ANAPC5: variants seen among roughly 807,000 people sequenced by gnomAD.
ANAPC5 encodes the protein anaphase promoting complex subunit 5.
ANAPC5 carries 60 observed loss-of-function variants against 91.3 expected under a neutral mutation model. The ratio of observed to expected loss-of-function variants is 0.66; its 90% CI spans 0.53 to 0.81. The LOEUF is 0.81. ANAPC5 is among the 40% of genes least tolerant of loss of function. The probability of loss-of-function intolerance (pLI) is 0.00; values close to 1 mark genes in which losing one functional copy is unlikely to be tolerated. For missense variants in ANAPC5, 690 were observed against 931.5 expected, an observed-to-expected ratio of 0.74 and a Z score of 3.37; for synonymous variants, 340 against 364.1, an observed-to-expected ratio of 0.93 and a Z score of 0.75.
rs548369067 is a variant in ANAPC5, at chr12:121,339,094, G to A, written c.658-1702C>T. Reference sequence around the variant, plus strand: ...TTTTGAGACAGAGTCTTGCTCTGTCGCCAAGGCTGGAGTGCAGTGGCACAA... The same window carrying A: ...TTTTGAGACAGAGTCTTGCTCTGTCACCAAGGCTGGAGTGCAGTGGCACAA... On this transcript the variant is annotated intron_variant, in intron 5 of 16. Transcript: ENST00000261819. Among the ~76,000 whole-genome samples the A allele has an allele frequency of 1.5e-4, 20 of 131,278 alleles. No homozygotes were observed. The East Asian group carries it at 2.8e-3, about 19-fold the overall frequency. 86.1% of individuals were successfully genotyped at this position (131,278 alleles called of 152,430 possible). A position where few individuals can be genotyped will look rare whatever the true frequency, so the allele number is the denominator to read the frequency against.
At position 121,312,077 on chromosome 12, in the gene ANAPC5, A is replaced by G. The variant is rs142221483; in HGVS notation, c.1894-2214T>C. On this transcript the variant is annotated intron_variant, in intron 15 of 16. Transcript: ENST00000261819. ...GGATAGACTGTGTTTGGGCCACAAA[A>G]TAACACTCAATAAATTTAAGAGGAA... Among the ~76,000 whole-genome samples, 570 of 152,338 alleles carry G rather than the reference A, an allele frequency of 3.7e-3. 3 individuals are homozygous for G. Among genetic ancestry groups the G allele is most frequent in the African/African-American group, 0.011 (473 of 41,566 alleles).
At chr12:121,354,007 G>A (rs1390213586), upstream of ANAPC5, among the ~76,000 whole-genome samples, 1 of 133,080 alleles carries the variant, frequency 7.5e-6, no homozygotes, top group African/African-American at 2.8e-5. Flanking sequence ...TTTTTTTCCC[G>A]ATACGGAGTC....
At chr12:121,312,021 T>A (rs1412945443) in intron 15 of ANAPC5, among the ~76,000 whole-genome samples, 1 of 152,112 alleles carries the variant, frequency 6.6e-6, no homozygotes, top group Non-Finnish European at 1.5e-5. Context: ...AGAATACAAA[T>A]TATTCTCAAG....
chr12:121,313,866 A>T (rs565648083), intron 15 of ANAPC5, among the ~76,000 whole-genome samples: 1 of 152,360 alleles, frequency 6.6e-6, no homozygotes, highest in South Asian at 2.1e-4. Context: ...GAAAAAGGAG[A>T]AGAGAGAATA....
intron 4 of ANAPC5, among the ~76,000 whole-genome samples, chr12:121,343,959 G>A (rs1396441653): frequency 6.6e-6 from 1 of 152,188 alleles, no homozygotes; most frequent in Non-Finnish European, 1.5e-5. Context: ...GCAAGTACAA[G>A]TAGTTTATTT....
At chr12:121,344,904 G>C (rs546377086) in intron 4 of ANAPC5, among the ~76,000 whole-genome samples, 1 of 152,200 alleles carries the variant, frequency 6.6e-6, no homozygotes, top group African/African-American at 2.4e-5. Context: ...AAGTTCCAAA[G>C]GGTTTAGGCA....
chr12:121,351,212 A>C (rs1555275314), intron 1 of ANAPC5: 1 of 365,178 alleles, frequency 2.7e-6, no homozygotes, highest in Admixed American at 3.5e-5. Flanking sequence ...CTCTACAAAA[A>C]ATGCAAAAAA....
chr12:121,320,609 C>CTTT, intron 11 of ANAPC5, 150 bp from the exon 12 acceptor site: 6 of 450,406 alleles, frequency 1.3e-5, no homozygotes, highest in South Asian at 3.7e-5. Context: ...TCTTTTCTTT[C>CTTT]TTTTTTTTTT....
In ANAPC5 at chr12:121,319,688, G is replaced by T. The variant is rs767682233; in HGVS notation, c.1637+9C>A. 1.9e-6 allele frequency: 3 copies of T among 1,599,670 alleles called. No individual in the cohort carries two copies. Among genetic ancestry groups the T allele is most frequent in the Non-Finnish European group, 2.6e-6 (3 of 1,175,832 alleles). On this transcript the variant is annotated intron_variant, in intron 13 of 16. Coordinates refer to ENST00000261819, the MANE Select transcript of ANAPC5 (RefSeq NM_016237.5). Reference sequence around the variant, plus strand: ...TTATTCTGGGGTTAGAGTTTTCAAGGTTTCTTACCTATAAACACCCTCTAT... The same window carrying T: ...TTATTCTGGGGTTAGAGTTTTCAAGTTTTCTTACCTATAAACACCCTCTAT...
chr12:121,330,432 T>A, intron 9 of ANAPC5, 151 bp downstream of exon 9: 1 of 596,204 alleles, frequency 1.7e-6, no homozygotes. Flanking sequence ...GTGGTCTGAT[T>A]AATAATTAAA....
intron 9 of ANAPC5, 77 bp downstream of exon 9, chr12:121,330,506 A>T: frequency 1.7e-6 from 2 of 1,178,320 alleles, no homozygotes; most frequent in Non-Finnish European, 2.5e-6. Flanking sequence ...ATCGCTGGTT[A>T]ATGACAGAGG....
intron 7 of ANAPC5, chr12:121,334,541 C>T (rs1903157539): frequency 6.6e-6 from 1 of 152,136 alleles, no homozygotes; most frequent in African/African-American, 2.4e-5. Context: ...TACATTATTT[C>T]ATTATTTCCA....
chr12:121,337,644 G>A (rs1056248436), intron 5 of ANAPC5, among the ~76,000 whole-genome samples: 4 of 151,884 alleles, frequency 2.6e-5, no homozygotes, highest in African/African-American at 7.2e-5. Context: ...CCCACCCATC[G>A]CTCCCCAGCC....
chr12:121,319,762 T>C lies in ANAPC5; in HGVS notation c.1572A>G (p.Lys524=), dbSNP rs1324471404. The change falls in exon 13 of 17, where the codon AAA becomes AAG. Residue 524 remains lysine (K), a synonymous_variant. Coordinates refer to ENST00000261819, the MANE Select transcript of ANAPC5 (RefSeq NM_016237.5). ...IQFDRAMNDG[K]YHLADSLVTG... ...TAACAAGTGAATCAGCCAAATGATA[T>C]TTGCCATCATTCATTGCTCTGTCAA... The C allele has an allele frequency of 6.2e-7, 1 of 1,612,886 alleles. No homozygotes were observed. Among genetic ancestry groups the C allele is most frequent in the African/African-American group, 1.3e-5 (1 of 75,000 alleles).
At chr12:121,312,955 G>T (rs1373672233) in intron 15 of ANAPC5, among the ~76,000 whole-genome samples, 1 of 152,056 alleles carries the variant, frequency 6.6e-6, no homozygotes, top group African/African-American at 2.4e-5. Context: ...AGTTCTCAAG[G>T]AAATTTATAA....
chr12:121,346,051 A>G lies in ANAPC5; in HGVS notation c.398-20T>C. 6.3e-7 allele frequency: 1 copy of G among 1,584,810 alleles called. No homozygotes were observed. Among genetic ancestry groups the G allele is most frequent in the Non-Finnish European group, 8.6e-7 (1 of 1,166,284 alleles). On this transcript the variant is annotated intron_variant, in intron 3 of 16. Transcript: ENST00000261819. ...ACAAACCTACAAAATAAGACGAGAG[A>G]CAAGGGGAAAGCATTAACTGACATC... is the stretch of plus-strand genomic sequence containing the variant.
At chr12:121,343,575 G>T (rs1220295316) in intron 4 of ANAPC5, among the ~76,000 whole-genome samples, 1 of 152,224 alleles carries the variant, frequency 6.6e-6, no homozygotes, top group Non-Finnish European at 1.5e-5. Flanking sequence ...CTTTCCACCA[G>T]ACAAGAAGCA....
chr12:121,311,426 T>C (rs542048071), intron 15 of ANAPC5, among the ~76,000 whole-genome samples: 1 of 152,294 alleles, frequency 6.6e-6, no homozygotes, highest in East Asian at 1.9e-4. Context: ...GGACATTATA[T>C]ACTCATGAAA....
Position 121,308,356 on chromosome 12 carries a change from C to T in ANAPC5, c.*124G>A, listed in dbSNP as rs1902020600. On this transcript the variant is annotated 3_prime_UTR_variant, in exon 17 of 17. Transcript: ENST00000261819. ...GTTACTAGCAACAAAATAAGACAAA[C>T]TAATCAGAATGCTGTTTATTGACAA... 3 of 753,620 alleles carry T rather than the reference C, an allele frequency of 4.0e-6. No homozygotes were observed. The South Asian group carries it at 5.3e-5, about 13-fold the overall frequency. 46.7% of individuals were successfully genotyped at this position (753,620 alleles called of 1,614,324 possible). A position where few individuals can be genotyped will look rare whatever the true frequency, so the allele number is the denominator to read the frequency against.
Sources: gnomAD v4.1 joint callset for allele counts (sites outside exome capture counted in the v4.1 genomes callset) on GRCh38, gnomAD v4.1.1 for gene constraint, MANE v1.5 for transcripts, NCBI Gene and HGNC (gene_info 2026-07-23, HGNC 2026-07-21) for gene names.